SPIDR: variants seen among roughly 807,000 people sequenced by gnomAD.
SPIDR encodes the protein scaffold protein involved in DNA repair, also known as DNA repair-scaffolding protein.
A neutral mutation model predicts 104.6 loss-of-function variants in SPIDR; 93 were observed. That is an observed-to-expected ratio of 0.89 (90% CI 0.75 to 1.06). The LOEUF (loss-of-function observed/expected upper bound fraction) is 1.06. SPIDR is among the 50% of genes least tolerant of loss of function. SPIDR has a pLI of 0.00. For missense variants in SPIDR, 1,154 were observed against 1,111.2 expected, an observed-to-expected ratio of 1.04 and a Z score of -0.55; for synonymous variants, 431 against 416.9, an observed-to-expected ratio of 1.03 and a Z score of -0.41.
At chr8:47,351,603 A>T (rs1414766964) in intron 5 of SPIDR, among the ~76,000 whole-genome samples, 1 of 152,220 alleles carries the variant, frequency 6.6e-6, no homozygotes, top group Non-Finnish European at 1.5e-5. Context: ...TTTAAAGTAC[A>T]GTTAGCCCTC....
intron 10 of SPIDR, among the ~76,000 whole-genome samples, chr8:47,647,124 G>A (rs1292199795): frequency 6.6e-6 from 1 of 152,158 alleles, no homozygotes; most frequent in African/African-American, 2.4e-5. Context: ...AAGCAACTGT[G>A]TAATATAATT....
intron 5 of SPIDR, among the ~76,000 whole-genome samples, chr8:47,360,321 C>G (rs1481306546): frequency 2.0e-5 from 3 of 148,096 alleles, no homozygotes; most frequent in Admixed American, 1.3e-4. Flanking sequence ...GAATCAGGCT[C>G]TTCGTCTAAT....
At chr8:47,657,819 C>T (rs1258942467) in intron 10 of SPIDR, among the ~76,000 whole-genome samples, 1 of 151,880 alleles carries the variant, frequency 6.6e-6, no homozygotes, top group East Asian at 1.9e-4. Flanking sequence ...CCCTTGAGCC[C>T]ATGAGTTCCA....
intron 8 of SPIDR, among the ~76,000 whole-genome samples, chr8:47,522,168 G>A (rs373688417): frequency 2.7e-4 from 39 of 142,512 alleles, no homozygotes; most frequent in African/African-American, 9.9e-4. Context: ...GCGAGAGTCT[G>A]TCTCAAAAAA....
intron 8 of SPIDR, among the ~76,000 whole-genome samples, chr8:47,448,214 T>C (rs564119920): frequency 3.9e-5 from 6 of 152,316 alleles, no homozygotes; most frequent in Admixed American, 3.9e-4. Flanking sequence ...GCTAAAACAT[T>C]CAATTCAAAA....
At chr8:47,466,930 TAGATAG>T in intron 8 of SPIDR, among the ~76,000 whole-genome samples, 1 of 138,948 alleles carries the variant, frequency 7.2e-6, no homozygotes, top group Non-Finnish European at 1.5e-5. Flanking sequence ...GATAGATAGA[TAGATAG>T]ATAGATAGAT....
At chr8:47,713,734 AGC>A in intron 16 of SPIDR, 93 bp downstream of exon 16, 1 of 1,506,814 alleles carries the variant, frequency 6.6e-7, no homozygotes, top group East Asian at 2.3e-5. Context: ...GTATTTGTGG[AGC>A]ACCCGCTAAG....
intron 5 of SPIDR, among the ~76,000 whole-genome samples, chr8:47,312,333 CCA>C: frequency 6.6e-6 from 1 of 152,264 alleles, no homozygotes; most frequent in African/African-American, 2.4e-5. Context: ...TACACTCCCA[CCA>C]ACAGTGTAAA....
At chr8:47,665,773 T>C (rs929408524) in intron 10 of SPIDR, among the ~76,000 whole-genome samples, 1 of 152,228 alleles carries the variant, frequency 6.6e-6, no homozygotes, top group Non-Finnish European at 1.5e-5. Flanking sequence ...TAAAATATCA[T>C]ATTATCAAGG....
chr8:47,655,667 C>T (rs1429999649), intron 10 of SPIDR, among the ~76,000 whole-genome samples: 1 of 152,130 alleles, frequency 6.6e-6, no homozygotes, highest in East Asian at 1.9e-4. Context: ...TTCTCCCATT[C>T]TGTAGGTTGC....
At chr8:47,448,478 T>C (rs2071098713) in intron 8 of SPIDR, among the ~76,000 whole-genome samples, 1 of 152,180 alleles carries the variant, frequency 6.6e-6, no homozygotes, top group African/African-American at 2.4e-5. Flanking sequence ...AATGTCAAAT[T>C]GTTTCTGCCC....
intron 10 of SPIDR, among the ~76,000 whole-genome samples, chr8:47,624,848 A>C (rs1204689059): frequency 6.6e-6 from 1 of 152,198 alleles, no homozygotes; most frequent in African/African-American, 2.4e-5. Context: ...AACTATTCCA[A>C]TCAATAGAAA....
intron 11 of SPIDR, among the ~76,000 whole-genome samples, chr8:47,688,044 T>TGTGTGTGTGC: frequency 6.6e-6 from 1 of 151,078 alleles, no homozygotes; most frequent in Non-Finnish European, 1.5e-5. Flanking sequence ...TGTGTGTGTG[T>TGTGTGTGTGC]GCATGCGTAT....
At chr8:47,319,711 C>A (rs559705934) in intron 5 of SPIDR, among the ~76,000 whole-genome samples, 15 of 152,238 alleles carry the variant, frequency 9.9e-5, no homozygotes, top group African/African-American at 3.4e-4. Flanking sequence ...CACTCCTCAG[C>A]AAATGTTAAA....
chr8:47,632,152 C>CA lies in SPIDR; in HGVS notation c.1544+32962dup, dbSNP rs554518572. Among the ~76,000 whole-genome samples the CA allele has an allele frequency of 1.1e-3, 165 of 152,220 alleles. 1 individual carries two copies. Among genetic ancestry groups the CA allele is most frequent in the African/African-American group, 3.8e-3 (158 of 41,542 alleles). ...TCACAACCTTTTTCATTATGTACTACAAAAAATATTTACGTTTTAATTTAA... is the reference window on the plus strand; with the variant it reads ...TCACAACCTTTTTCATTATGTACTACAAAAAAATATTTACGTTTTAATTTAA... On this transcript the variant is annotated intron_variant, in intron 10 of 19. Transcript: ENST00000297423.
intron 5 of SPIDR, among the ~76,000 whole-genome samples, chr8:47,330,154 T>C (rs1321670447): frequency 2.0e-5 from 3 of 152,154 alleles, no homozygotes; most frequent in Non-Finnish European, 2.9e-5. Context: ...AAAAATGTAT[T>C]TATCATGCCT....
At chr8:47,545,056 G>A (rs1333938992) in intron 8 of SPIDR, among the ~76,000 whole-genome samples, 1 of 149,062 alleles carries the variant, frequency 6.7e-6, no homozygotes, top group Non-Finnish European at 1.5e-5. Context: ...TTACACCAAA[G>A]TCTTTCTTTT....
intron 10 of SPIDR, among the ~76,000 whole-genome samples, chr8:47,601,228 T>C (rs1461549404): frequency 6.6e-6 from 1 of 152,218 alleles, no homozygotes; most frequent in Non-Finnish European, 1.5e-5. Context: ...TGATGCATTT[T>C]CTGTAGCACA....
chr8:47,675,966 G>A (rs978590896), intron 11 of SPIDR, among the ~76,000 whole-genome samples: 7 of 152,306 alleles, frequency 4.6e-5, no homozygotes, highest in Middle Eastern at 6.8e-3. Flanking sequence ...GGGGGCTCCC[G>A]CCACAGGATG....
Sources: gnomAD v4.1 joint callset for allele counts (sites outside exome capture counted in the v4.1 genomes callset) on GRCh38, gnomAD v4.1.1 for gene constraint, MANE v1.5 for transcripts, NCBI Gene and HGNC (gene_info 2026-07-23, HGNC 2026-07-21) for gene names.